The following DENND5A variants were observed in gnomAD, a reference collection of about 807,000 sequenced individuals.
The protein encoded by DENND5A is DENN domain containing 5A.
DENND5A carries 64 observed loss-of-function variants against 140.3 expected under a neutral mutation model. That is an observed-to-expected ratio of 0.46 (90% confidence interval 0.37 to 0.56). The LOEUF (loss-of-function observed/expected upper bound fraction) is 0.56, where lower values mean the gene tolerates loss of function less well. DENND5A is among the 20% of genes least tolerant of loss of function. The pLI is 0.00. For synonymous variants in DENND5A, 605 were observed against 607.7 expected (o/e 1.00, Z 0.07); for missense variants, 1,292 against 1,593.8 (o/e 0.81, Z 3.22).
At chr11:9,180,743 C>T in intron 6 of DENND5A, 24 bp downstream of exon 6, 1 of 1,603,536 alleles carries the variant, frequency 6.2e-7, no homozygotes, top group East Asian at 2.2e-5. Flanking sequence ...TCACACGTGT[C>T]ACAGACTCAT....
intron 12 of DENND5A, among the ~76,000 whole-genome samples, chr11:9,157,599 C>A (rs1347541681): frequency 1.3e-5 from 2 of 152,098 alleles, no homozygotes; most frequent in African/African-American, 4.8e-5. Flanking sequence ...TTTTCTGTTC[C>A]TATATGAGTT....
At chr11:9,140,128 G>A in intron 22 of DENND5A, 1 of 1,432,692 alleles carries the variant, frequency 7.0e-7, no homozygotes, top group South Asian at 1.2e-5. Context: ...CACCACTGGT[G>A]TCTCCCAGAG....
At chr11:9,213,384 G>A (rs1849955031) in intron 1 of DENND5A, among the ~76,000 whole-genome samples, 1 of 151,404 alleles carries the variant, frequency 6.6e-6, no homozygotes, top group African/African-American at 2.4e-5. Context: ...TCTTACAATT[G>A]CAAATAAATC....
In DENND5A at chr11:9,165,816, C is replaced by G; in HGVS notation, c.2283+20G>C. On this transcript the variant is annotated intron_variant, in intron 11 of 22. Coordinates refer to ENST00000328194, the MANE Select transcript of DENND5A (RefSeq NM_015213.4). ...GCTGCTAACAGAAATAGCACACATA[C>G]AGAGATGTCCACAGCTTACCTTATT... 8.1e-6 allele frequency: 13 copies of G among 1,613,416 alleles called. No homozygotes were observed. Among genetic ancestry groups the G allele is most frequent in the Non-Finnish European group, 8.5e-6 (10 of 1,179,542 alleles).
intron 13 of DENND5A, among the ~76,000 whole-genome samples, 163 bp from the exon 14 acceptor site, chr11:9,150,927 C>T (rs1391574362): frequency 3.3e-5 from 5 of 152,154 alleles, no homozygotes; most frequent in Admixed American, 1.3e-4. Context: ...CTACTAGAGA[C>T]CGAATTTTAC....
At chr11:9,184,196 C>CA (rs1848827471) in intron 5 of DENND5A, among the ~76,000 whole-genome samples, 1 of 151,244 alleles carries the variant, frequency 6.6e-6, no homozygotes, top group African/African-American at 2.4e-5. Context: ...ACTAAAAATG[C>CA]AAAAAAATTA....
rs1244241017 is a variant in DENND5A, at chr11:9,264,945, C to T, written c.109+16G>A. ...AGCGGGCGCGGGAAAGCGCCCCGGG[C>T]TCGGCGCGCACTCACCCGACAGCTC... On this transcript the variant is annotated intron_variant, in intron 1 of 22. Coordinates refer to ENST00000328194, the MANE Select transcript of DENND5A (RefSeq NM_015213.4). 6.5e-7 allele frequency: 1 copy of T among 1,544,604 alleles called. No homozygotes were observed. Among genetic ancestry groups the T allele is most frequent in the Non-Finnish European group, 8.7e-7 (1 of 1,144,658 alleles).
intron 1 of DENND5A, among the ~76,000 whole-genome samples, chr11:9,237,447 A>T (rs1851050690): frequency 1.3e-5 from 2 of 152,180 alleles, no homozygotes; most frequent in African/African-American, 4.8e-5. Context: ...TGTTCTTCCT[A>T]GCAGATTGGA....
At chr11:9,148,825 C>T (rs185010218) in intron 15 of DENND5A, among the ~76,000 whole-genome samples, 7 of 152,246 alleles carry the variant, frequency 4.6e-5, no homozygotes, top group Admixed American at 3.9e-4. Flanking sequence ...CATGTCAGGG[C>T]TAGAACTTCA....
At chr11:9,215,292 T>C (rs1385778619) in intron 1 of DENND5A, among the ~76,000 whole-genome samples, 1 of 152,234 alleles carries the variant, frequency 6.6e-6, no homozygotes, top group African/African-American at 2.4e-5. Flanking sequence ...CTAAAATGGC[T>C]GAACTTCTTA....
intron 17 of DENND5A, 25 bp from the exon 18 acceptor site, chr11:9,145,138 G>A (rs1847384348): frequency 1.3e-6 from 2 of 1,531,250 alleles, no homozygotes; most frequent in Non-Finnish European, 1.8e-6. Flanking sequence ...AGAAGATGAG[G>A]TAGGTCAGGA....
chr11:9,260,481 C>T (rs1396025410), intron 1 of DENND5A, among the ~76,000 whole-genome samples: 1 of 152,132 alleles, frequency 6.6e-6, no homozygotes, highest in East Asian at 1.9e-4. Context: ...TCCCCACTTA[C>T]GATGTGCCAA....
chr11:9,201,477 C>T (rs1332117194), intron 4 of DENND5A, among the ~76,000 whole-genome samples: 1 of 151,838 alleles, frequency 6.6e-6, no homozygotes, highest in East Asian at 1.9e-4. Flanking sequence ...TTGAGACCAG[C>T]CTGGGCAATG....
chr11:9,156,716 C>T (rs1272300244), intron 12 of DENND5A, among the ~76,000 whole-genome samples: 1 of 151,348 alleles, frequency 6.6e-6, no homozygotes, highest in Non-Finnish European at 1.5e-5. Context: ...GTGGGAGAAT[C>T]ACTTGAACTC....
chr11:9,263,848 CAAAAAA>C lies in DENND5A; in HGVS notation c.109+1107_109+1112del, dbSNP rs57967676. Among the ~76,000 whole-genome samples the C allele has an allele frequency of 2.0e-4, 13 of 65,074 alleles. No individual in the cohort carries two copies. In the South Asian group the frequency reaches 6.9e-3, roughly 35 times the overall value. 42.7% of individuals were successfully genotyped at this position (65,074 alleles called of 152,430 possible). ...TGGGCGACAGAGCGAGACTCCGTCT[CAAAAAA>C]AAAAAAAAAAAAAAAAAGAAACACT... On this transcript the variant is annotated intron_variant, in intron 1 of 22. Transcript: ENST00000328194.
Position 9,255,805 on chromosome 11 carries a change from C to T in DENND5A, c.109+9156G>A, listed in dbSNP as rs1042606844. ...GCTTGAACCCGGGAGGCAGAGGTTG[C>T]AGTGAGCCAAGATTGTGCCACTGCA... is the stretch of plus-strand genomic sequence containing the variant. On this transcript the variant is annotated intron_variant, in intron 1 of 22. Transcript: ENST00000328194. Among the ~76,000 whole-genome samples, 52 of 151,530 alleles carry T rather than the reference C, an allele frequency of 3.4e-4. 1 individual carries two copies. Among genetic ancestry groups the T allele is most frequent in the Non-Finnish European group, 5.9e-4 (40 of 67,980 alleles).
chr11:9,186,550 G>A (rs1168649758), intron 5 of DENND5A, among the ~76,000 whole-genome samples: 1 of 152,212 alleles, frequency 6.6e-6, no homozygotes, highest in Admixed American at 6.5e-5. Context: ...ACTAAACAAT[G>A]CTTGGTTGGC....
chr11:9,169,922 C>T lies in DENND5A; in HGVS notation c.2085G>A (p.Gln695=), dbSNP rs1031809341. The T allele has an allele frequency of 3.7e-6, 6 of 1,613,786 alleles. No homozygotes were observed. Among genetic ancestry groups the T allele is most frequent in the African/African-American group, 1.3e-5 (1 of 75,040 alleles). The change falls in exon 10 of 23, where the codon CAG becomes CAA. Residue 695 remains glutamine, a synonymous_variant. Transcript: ENST00000328194. ...GCTTCTGCCGATCTTTCCGCCTCCA[C>T]TGGGCAGGGGCATTCCTTTTCGTCC... The part of the protein sequence containing the change: ...NKWTKRNAPA[Q]WRRKDRQKQH...
intron 4 of DENND5A, among the ~76,000 whole-genome samples, chr11:9,197,652 G>A (rs549009254): frequency 8.1e-4 from 123 of 152,180 alleles, no homozygotes; most frequent in African/African-American, 2.5e-3. Context: ...CTGAGATCGC[G>A]CCACTGCACT....
Sources: allele counts gnomAD v4.1 joint callset (sites outside exome capture counted in the v4.1 genomes callset), GRCh38; gene constraint gnomAD v4.1.1; transcripts MANE v1.5; gene names NCBI Gene and HGNC (gene_info 2026-07-23, HGNC 2026-07-21).